The following KANSL1L variants were observed in gnomAD, a reference collection of about 807,000 sequenced individuals.
KANSL1L encodes KAT8 regulatory NSL complex subunit 1-like protein.
In KANSL1L, 25 loss-of-function variants were observed where a neutral mutation model predicts 108.6. The ratio of observed to expected loss-of-function variants is 0.23; its 90% CI spans 0.17 to 0.32. The LOEUF is 0.32. Ranked by LOEUF, KANSL1L falls within the 10% of genes least tolerant of loss-of-function variation. The pLI, the probability that KANSL1L is intolerant of heterozygous loss-of-function variation, is 1.00. For missense variants in KANSL1L, 1,137 were observed against 1,125.7 expected, an observed-to-expected ratio of 1.01 and a Z score of -0.14; for synonymous variants, 405 against 395.1, an observed-to-expected ratio of 1.03 and a Z score of -0.30.
rs778846240 is a variant in KANSL1L, at chr2:210,025,139, T to C, written c.2529A>G (p.Leu843=). ...YEEREQARWS[L]WEQSKWHRRN... The stretch of plus-strand genomic sequence containing the variant: ...TTCTGTGCCACTTGCTTTGCTCCCA[T>C]AGTGACCACCTGGCTTGCTCTCTCT... Residue 843 remains leucine (L), a synonymous_variant, in exon 13 of 15, where the codon CTA becomes CTG. Coordinates refer to ENST00000281772, the MANE Select transcript of KANSL1L (RefSeq NM_152519.4). The C allele has an allele frequency of 7.4e-6, 12 of 1,613,258 alleles. No individual in the cohort carries two copies. Among genetic ancestry groups the C allele is most frequent in the Admixed American group, 1.7e-5 (1 of 60,002 alleles).
intron 1 of KANSL1L, among the ~76,000 whole-genome samples, chr2:210,161,322 T>G (rs904173594): frequency 4.6e-5 from 7 of 152,094 alleles, no homozygotes; most frequent in Admixed American, 1.3e-4. Context: ...GGCAATTAAA[T>G]GTAGAAACCT....
At chr2:210,134,814 T>C (rs2095159360) in intron 2 of KANSL1L, among the ~76,000 whole-genome samples, 1 of 152,058 alleles carries the variant, frequency 6.6e-6, no homozygotes. Flanking sequence ...GACTAGGAAA[T>C]ACTACCATAA....
intron 5 of KANSL1L, chr2:210,096,619 A>C: frequency 1.0e-6 from 1 of 985,326 alleles, no homozygotes; most frequent in Non-Finnish European, 1.2e-6. Flanking sequence ...CTTATACACC[A>C]ATTTGATGTG....
chr2:210,138,362 A>G (rs1358158907), intron 2 of KANSL1L, among the ~76,000 whole-genome samples: 1 of 152,114 alleles, frequency 6.6e-6, no homozygotes, highest in Non-Finnish European at 1.5e-5. Flanking sequence ...TAACTATTGT[A>G]TATTATGCTC....
intron 7 of KANSL1L, among the ~76,000 whole-genome samples, chr2:210,040,987 G>A (rs1008654160): frequency 4.6e-5 from 7 of 152,028 alleles, no homozygotes; most frequent in African/African-American, 1.4e-4. Flanking sequence ...TGCTTTTAAC[G>A]TCTTGGGAGA....
In KANSL1L at chr2:210,107,653, C is replaced by T. The variant is rs373968025; in HGVS notation, c.1231-3352G>A. On this transcript the variant is annotated intron_variant, in intron 3 of 14. Transcript: ENST00000281772. ...ACGCCATTCTCCTGCCTCAGCCTTC[C>T]GAGTAGCTGGGACTACAGGTGCCCG... 3.2e-4 allele frequency among the ~76,000 whole-genome samples: 49 copies of T among 151,810 alleles called. No individual in the cohort carries two copies. The East Asian group carries it at 8.1e-3, about 25-fold the overall frequency.
intron 6 of KANSL1L, among the ~76,000 whole-genome samples, chr2:210,074,600 C>G (rs1260481805): frequency 6.6e-6 from 1 of 152,178 alleles, no homozygotes; most frequent in Non-Finnish European, 1.5e-5. Context: ...AGTGATCCCT[C>G]TGCCTTGGCC....
Position 210,153,779 on chromosome 2 carries a change from T to C in KANSL1L, c.804A>G (p.Gln268=), listed in dbSNP as rs139300882. ...GQQMKLSMKH[Q]LPKMKTFHEP... is the part of the protein sequence containing the mutation. ...CATGAAATGTCTTCATTTTGGGGAG[T>C]TGATGTTTCATAGACAATTTCATCT... The change falls in exon 2 of 15, where the codon CAA becomes CAG. Residue 268 remains glutamine (Q), a synonymous_variant. Transcript: ENST00000281772. 1.4e-4 allele frequency: 228 copies of C among 1,612,568 alleles called. 3 individuals are homozygous for C. In the Middle Eastern group the frequency reaches 2.5e-3, roughly 17 times the overall value.
intron 5 of KANSL1L, among the ~76,000 whole-genome samples, chr2:210,076,181 TTTTG>T (rs1057446011): frequency 3.9e-5 from 6 of 152,128 alleles, no homozygotes; most frequent in African/African-American, 1.4e-4. Context: ...TTTTTTTGTT[TTTTG>T]TTTTTTGTTT....
At chr2:210,150,598 C>G (rs570289165) in intron 2 of KANSL1L, among the ~76,000 whole-genome samples, 2 of 151,896 alleles carry the variant, frequency 1.3e-5, no homozygotes, top group African/African-American at 4.8e-5. Flanking sequence ...GCTTGACCAA[C>G]ATGGAGAAAC....
chr2:210,070,889 G>C (rs1381345365), intron 6 of KANSL1L, among the ~76,000 whole-genome samples: 1 of 152,166 alleles, frequency 6.6e-6, no homozygotes, highest in Non-Finnish European at 1.5e-5. Context: ...GCCGGGTGCA[G>C]TGGCTCACGC....
At chr2:210,169,160 C>G (rs915786848) in intron 1 of KANSL1L, among the ~76,000 whole-genome samples, 28 of 151,992 alleles carry the variant, frequency 1.8e-4, no homozygotes, top group African/African-American at 6.8e-4. Flanking sequence ...AACACACACA[C>G]AAACAAACAA....
intron 6 of KANSL1L, among the ~76,000 whole-genome samples, chr2:210,055,605 A>G (rs912942120): frequency 6.6e-6 from 1 of 152,212 alleles, no homozygotes; most frequent in African/African-American, 2.4e-5. Flanking sequence ...GATATGGACA[A>G]TGAAGTCCAG....
At chr2:210,052,882 C>T (rs2094308907) in intron 6 of KANSL1L, among the ~76,000 whole-genome samples, 1 of 152,138 alleles carries the variant, frequency 6.6e-6, no homozygotes, top group Admixed American at 6.5e-5. Context: ...TTGTATATGC[C>T]TCTGCTATTG....
chr2:210,042,657 G>A (rs2094178134), intron 7 of KANSL1L, among the ~76,000 whole-genome samples: 1 of 152,132 alleles, frequency 6.6e-6, no homozygotes, highest in African/African-American at 2.4e-5. Flanking sequence ...AATTAAACAA[G>A]AAAATGTAAT....
intron 6 of KANSL1L, among the ~76,000 whole-genome samples, chr2:210,050,693 GAAAAAA>G (rs1169870752): frequency 3.7e-5 from 2 of 53,456 alleles, no homozygotes; most frequent in African/African-American, 1.2e-4. Flanking sequence ...CATCTCTACA[GAAAAAA>G]AAAAAAAAAA....
intron 6 of KANSL1L, among the ~76,000 whole-genome samples, chr2:210,070,013 G>A (rs1367232055): frequency 1.3e-5 from 2 of 150,254 alleles, no homozygotes; most frequent in Non-Finnish European, 3.0e-5. Context: ...ATTTTTAGTA[G>A]AGACAGGGTT....
intron 2 of KANSL1L, among the ~76,000 whole-genome samples, chr2:210,143,222 C>G (rs1391700712): frequency 6.6e-6 from 1 of 151,604 alleles, no homozygotes; most frequent in Non-Finnish European, 1.5e-5. Flanking sequence ...CATGTTTTGG[C>G]CTAAAGTGCA....
intron 5 of KANSL1L, among the ~76,000 whole-genome samples, chr2:210,090,034 T>A (rs1043569958): frequency 6.6e-6 from 1 of 152,170 alleles, no homozygotes; most frequent in African/African-American, 2.4e-5. Flanking sequence ...GCACTTTTTT[T>A]AAAGAGTAAG....
Sources: gnomAD v4.1 joint callset for allele counts (sites outside exome capture counted in the v4.1 genomes callset) on GRCh38, gnomAD v4.1.1 for gene constraint, MANE v1.5 for transcripts, NCBI Gene and HGNC (gene_info 2026-07-23, HGNC 2026-07-21) for gene names.